Variants in PDE1C observed in about 807,000 individuals in gnomAD.
PDE1C encodes phosphodiesterase 1C.
PDE1C carries 62 observed loss-of-function variants against 93.1 expected under a neutral mutation model. The observed-to-expected ratio is 0.67, with a 90% CI of 0.54 to 0.82. PDE1C has a LOEUF of 0.82. Among genes scored for constraint, PDE1C ranks in the 40% least tolerant of loss-of-function variants. The pLI is 0.00. For missense variants in PDE1C, 742 were observed against 884.6 expected (o/e 0.84, Z 2.04); for synonymous variants, 325 against 310.1 (o/e 1.05, Z -0.50).
chr7:32,122,258 C>G (rs772541120), intron 3 of PDE1C, among the ~76,000 whole-genome samples: 2 of 152,110 alleles, frequency 1.3e-5, no homozygotes, highest in Non-Finnish European at 2.9e-5. Context: ...CTTAGACTCC[C>G]AAACAATAAT....
chr7:32,130,789 G>A lies in PDE1C; in HGVS notation c.308+38996C>T, dbSNP rs141261884. 5.3e-5 allele frequency among the ~76,000 whole-genome samples: 8 copies of A among 152,144 alleles called. 3 individuals carry two copies. The highest frequency in any genetic ancestry group is 1.9e-4 in the East Asian group (1 of 5,156). On this transcript the variant is annotated intron_variant, in intron 3 of 18. Coordinates refer to the PDE1C transcript ENST00000396193. ...ATGCACATCATGTTGAAGAAAAGGA[G>A]AGAGTCAACAATCCTAAAAAATTGT...
intron 2 of PDE1C, among the ~76,000 whole-genome samples, chr7:32,195,210 C>T (rs927302737): frequency 6.6e-5 from 10 of 152,180 alleles, no homozygotes; most frequent in African/African-American, 2.4e-4. Flanking sequence ...CACATTGTTG[C>T]TTACTGTGTT....
chr7:32,244,241 T>C (rs532678509), intron 1 of PDE1C, among the ~76,000 whole-genome samples: 98 of 151,672 alleles, frequency 6.5e-4, no homozygotes, highest in African/African-American at 2.3e-3. Flanking sequence ...GGAAGGAGGA[T>C]AGAGGTAGTT....
At chr7:32,045,079 C>G (rs1792358097) in intron 2 of PDE1C, among the ~76,000 whole-genome samples, 1 of 147,892 alleles carries the variant, frequency 6.8e-6, no homozygotes, top group Admixed American at 6.8e-5. Flanking sequence ...CCCTTCCCCC[C>G]ACCGACTCCT....
At chr7:32,304,807 C>G (rs947344374) in intron 1 of PDE1C, among the ~76,000 whole-genome samples, 4 of 152,084 alleles carry the variant, frequency 2.6e-5, no homozygotes, top group African/African-American at 9.7e-5. Context: ...ACCCTGGACT[C>G]AACCCATAGT....
In PDE1C at chr7:32,405,505, C is replaced by T. The variant is rs186051935; in HGVS notation, c.310+22317G>A. ...ACCTCAGGTGATCTGCCCACCTCGGCCTCAGTGCTGGGATTACAGGTGTGA... is the reference window on the plus strand; with the variant it reads ...ACCTCAGGTGATCTGCCCACCTCGGTCTCAGTGCTGGGATTACAGGTGTGA... On this transcript the variant is annotated intron_variant, in intron 1 of 1. Coordinates refer to the PDE1C transcript ENST00000672256. Among the ~76,000 whole-genome samples the T allele has an allele frequency of 7.9e-5, 12 of 152,322 alleles. No homozygotes were observed. In the East Asian group the frequency reaches 2.3e-3, roughly 29 times the overall value.
chr7:31,925,610 T>C (rs1803270496), intron 2 of PDE1C, among the ~76,000 whole-genome samples: 1 of 152,182 alleles, frequency 6.6e-6, no homozygotes, highest in Non-Finnish European at 1.5e-5. Flanking sequence ...ACTGACAAAC[T>C]CTGAAGACTA....
chr7:31,738,310 G>T, the PDE1C span, among the ~76,000 whole-genome samples: 1 of 152,186 alleles, frequency 6.6e-6, no homozygotes, highest in Admixed American at 6.5e-5. Flanking sequence ...TCACAGTTCC[G>T]CATGGGTGGG....
chr7:32,062,295 C>T (rs1234079408), intron 1 of PDE1C, among the ~76,000 whole-genome samples: 1 of 152,216 alleles, frequency 6.6e-6, no homozygotes, highest in Non-Finnish European at 1.5e-5. Context: ...AAAGTTCTCA[C>T]ATCCATGCCT....
At chr7:32,368,059 C>T (rs1784258049) in intron 1 of PDE1C, among the ~76,000 whole-genome samples, 1 of 152,076 alleles carries the variant, frequency 6.6e-6, no homozygotes, top group Non-Finnish European at 1.5e-5. Flanking sequence ...GAGCAAACAT[C>T]ACACTGAATG....
Position 31,815,922 on chromosome 7 carries a change from A to G in PDE1C, c.1813+2T>C. ...GCCCTTCACCAGTGTAAGTCTACTC[A>G]CCATTCTGTTGCTGTTCTCCTGATG... On this transcript the variant is annotated splice_donor_variant, in intron 15 of 17. Transcript: ENST00000396191. LOFTEE classifies it high-confidence loss of function. 1.9e-6 allele frequency: 3 copies of G among 1,597,212 alleles called. No homozygotes were observed. Among genetic ancestry groups the G allele is most frequent in the Non-Finnish European group, 2.6e-6 (3 of 1,164,676 alleles).
chr7:32,381,025 T>TC (rs1345572664), intron 1 of PDE1C, among the ~76,000 whole-genome samples: 1 of 151,784 alleles, frequency 6.6e-6, no homozygotes, highest in Non-Finnish European at 1.5e-5. Flanking sequence ...AGGCTGTTTC[T>TC]CCCCCTCAGT....
intron 3 of PDE1C, among the ~76,000 whole-genome samples, chr7:32,152,572 C>T (rs1444544402): frequency 1.3e-5 from 2 of 152,198 alleles, no homozygotes; most frequent in African/African-American, 4.8e-5. Flanking sequence ...CTCAGGGCCC[C>T]TCTTTTAATG....
intron 2 of PDE1C, among the ~76,000 whole-genome samples, chr7:31,923,575 T>A (rs938551339): frequency 2.0e-5 from 3 of 152,200 alleles, no homozygotes; most frequent in African/African-American, 4.8e-5. Context: ...GACATTTTGC[T>A]TAGGAATAAT....
At chr7:32,066,324 T>G (rs1224185113) in intron 1 of PDE1C, among the ~76,000 whole-genome samples, 1 of 152,220 alleles carries the variant, frequency 6.6e-6, no homozygotes, top group African/African-American at 2.4e-5. Flanking sequence ...TGTTGCAGTC[T>G]ATTAACTTAA....
At chr7:31,787,466 G>C (rs1784121135) in intron 16 of PDE1C, 1 of 152,162 alleles carries the variant, frequency 6.6e-6, no homozygotes. Flanking sequence ...ATAAGAATGG[G>C]TCATTATGCC....
intron 2 of PDE1C, among the ~76,000 whole-genome samples, chr7:31,898,083 GATACAA>G (rs1427412259): frequency 6.6e-6 from 1 of 151,070 alleles, no homozygotes; most frequent in Non-Finnish European, 1.5e-5. Flanking sequence ...AAAAATGTGA[GATACAA>G]ATAAAGTTTT....
chr7:32,041,499 T>C (rs74552041), intron 2 of PDE1C, among the ~76,000 whole-genome samples: 2,955 of 152,254 alleles, frequency 0.019, 54 homozygotes, highest in Non-Finnish European at 0.027. Flanking sequence ...ACTTGTGGAA[T>C]AGAAAAGGGA....
chr7:32,405,049 C>T (rs1411473129), intron 1 of PDE1C, among the ~76,000 whole-genome samples: 1 of 152,052 alleles, frequency 6.6e-6, no homozygotes, highest in Non-Finnish European at 1.5e-5. Flanking sequence ...AGGATCCAGC[C>T]CTCCAGCAAG....
Sources: allele counts gnomAD v4.1 joint callset (sites outside exome capture counted in the v4.1 genomes callset), GRCh38; gene constraint gnomAD v4.1.1; transcripts MANE v1.5; gene names NCBI Gene and HGNC (gene_info 2026-07-23, HGNC 2026-07-21).